AP3B1: variants seen among roughly 807,000 people sequenced by gnomAD.
The protein encoded by AP3B1 is AP-3 complex subunit beta-1.
Under a neutral mutation model 132.5 loss-of-function variants are expected in AP3B1, and 61 were observed. The observed-to-expected ratio is 0.46, with a 90% CI of 0.37 to 0.57. AP3B1 has a LOEUF of 0.57. AP3B1 is among the 20% of genes least tolerant of loss of function. AP3B1 has a pLI of 0.00. For missense variants in AP3B1, 1,120 were observed against 1,289.4 expected, an observed-to-expected ratio of 0.87 and a Z score of 2.01; for synonymous variants, 388 against 438.3, an observed-to-expected ratio of 0.89 and a Z score of 1.43.
intron 26 of AP3B1, among the ~76,000 whole-genome samples, chr5:78,006,794 C>T (rs558349394): frequency 1.3e-5 from 2 of 152,160 alleles, no homozygotes; most frequent in African/African-American, 2.4e-5. Context: ...TAATCACCAA[C>T]TGAGAAGGTA....
intron 2 of AP3B1, among the ~76,000 whole-genome samples, chr5:78,250,295 CA>C (rs1747576717): frequency 6.6e-6 from 1 of 151,686 alleles, no homozygotes; most frequent in African/African-American, 2.4e-5. Context: ...TACTTAAACC[CA>C]AAAAAGAAAA....
chr5:78,261,756 GGTT>G (rs35688641), intron 2 of AP3B1, among the ~76,000 whole-genome samples: 1 of 147,314 alleles, frequency 6.8e-6, no homozygotes, highest in Admixed American at 6.8e-5. Context: ...ATGAGCCACC[GGTT>G]GTTGTTTTTT....
chr5:78,127,947 C>A, intron 17 of AP3B1, 83 bp downstream of exon 17: 1 of 1,531,184 alleles, frequency 6.5e-7, no homozygotes, highest in Non-Finnish European at 9.0e-7. Flanking sequence ...TTCAACTCTC[C>A]AAAAAAGCTT....
chr5:78,206,042 C>G (rs1745491301), intron 7 of AP3B1, among the ~76,000 whole-genome samples: 2 of 151,764 alleles, frequency 1.3e-5, no homozygotes, highest in Non-Finnish European at 2.9e-5. Flanking sequence ...TCACAAAGGT[C>G]AGTATGAGCT....
intron 7 of AP3B1, among the ~76,000 whole-genome samples, chr5:78,186,301 A>G (rs1040398134): frequency 3.0e-4 from 46 of 152,218 alleles, no homozygotes; most frequent in Non-Finnish European, 4.9e-4. Context: ...AGAGAAGGAC[A>G]TTATAGAATG....
intron 12 of AP3B1, among the ~76,000 whole-genome samples, chr5:78,164,629 A>G (rs972250333): frequency 1.3e-5 from 2 of 152,176 alleles, no homozygotes; most frequent in East Asian, 3.8e-4. Flanking sequence ...GAATAATAAC[A>G]TAAAATAGTA....
chr5:78,251,815 G>A (rs2112537253), intron 2 of AP3B1, among the ~76,000 whole-genome samples: 1 of 152,348 alleles, frequency 6.6e-6, no homozygotes, highest in East Asian at 1.9e-4. Context: ...TAGAGACAAT[G>A]GAGGGAGCAC....
At chr5:78,080,049 C>T (rs1009917808) in intron 22 of AP3B1, among the ~76,000 whole-genome samples, 2 of 152,172 alleles carry the variant, frequency 1.3e-5, no homozygotes, top group African/African-American at 4.8e-5. Context: ...CACTCTGTCA[C>T]CCAGGCTGGA....
intron 20 of AP3B1, among the ~76,000 whole-genome samples, chr5:78,106,104 T>C (rs1751321527): frequency 6.6e-6 from 1 of 152,102 alleles, no homozygotes; most frequent in African/African-American, 2.4e-5. Context: ...AACAAAGGCA[T>C]AGAAATAGGA....
intron 22 of AP3B1, among the ~76,000 whole-genome samples, chr5:78,075,372 GT>G (rs1749724576): frequency 1.3e-5 from 2 of 152,042 alleles, no homozygotes; most frequent in Admixed American, 6.5e-5. Flanking sequence ...ATTATGGTTT[GT>G]TTTTTTCTTA....
intron 9 of AP3B1, among the ~76,000 whole-genome samples, chr5:78,177,044 C>T (rs1380061390): frequency 6.6e-6 from 1 of 152,116 alleles, no homozygotes; most frequent in Non-Finnish European, 1.5e-5. Flanking sequence ...ATCATTATTG[C>T]CATACCTAAA....
At chr5:78,055,760 T>C (rs1029533654) in intron 22 of AP3B1, among the ~76,000 whole-genome samples, 30 of 152,002 alleles carry the variant, frequency 2.0e-4, no homozygotes, top group African/African-American at 6.1e-4. Context: ...CATGGAAACT[T>C]TTTTGAATGT....
intron 7 of AP3B1, among the ~76,000 whole-genome samples, chr5:78,196,872 G>C (rs1745095546): frequency 6.6e-6 from 1 of 152,158 alleles, no homozygotes; most frequent in Non-Finnish European, 1.5e-5. Flanking sequence ...GGTGGGGAGG[G>C]AGGGATGAAC....
In AP3B1 at chr5:78,223,027, C is replaced by T. The variant is rs199921749; in HGVS notation, c.603+2515G>A. ...TGTTTTTTTGTTTGTTTGTTTGTTTCTTTTTTTTTTTTTGTAGAGACAAGG... is the reference window on the plus strand; with the variant it reads ...TGTTTTTTTGTTTGTTTGTTTGTTTTTTTTTTTTTTTTTGTAGAGACAAGG... On this transcript the variant is annotated intron_variant, in intron 6 of 26. Transcript: ENST00000255194. Among the ~76,000 whole-genome samples, 189 of 127,770 alleles carry T rather than the reference C, an allele frequency of 1.5e-3. 1 individual carries two copies. Among genetic ancestry groups the T allele is most frequent in the African/African-American group, 4.9e-3 (168 of 34,532 alleles). 83.8% of individuals were successfully genotyped at this position (127,770 alleles called of 152,430 possible).
At chr5:78,261,918 AT>A (rs1390357271) in intron 2 of AP3B1, among the ~76,000 whole-genome samples, 1 of 151,582 alleles carries the variant, frequency 6.6e-6, no homozygotes, top group Non-Finnish European at 1.5e-5. Flanking sequence ...CACCTGGCTA[AT>A]TTTTGTATTT....
At chr5:78,236,297 C>A (rs890391833) in intron 3 of AP3B1, among the ~76,000 whole-genome samples, 2 of 152,082 alleles carry the variant, frequency 1.3e-5, no homozygotes, top group African/African-American at 2.4e-5. Flanking sequence ...AGGGAACTAG[C>A]TACTTTACCA....
At chr5:78,167,396 T>C (rs187909563) in intron 11 of AP3B1, among the ~76,000 whole-genome samples, 5 of 152,202 alleles carry the variant, frequency 3.3e-5, no homozygotes, top group African/African-American at 4.8e-5. Context: ...GGTGGGAACG[T>C]AAACTAGTAC....
intron 14 of AP3B1, among the ~76,000 whole-genome samples, chr5:78,142,952 T>A (rs965757191): frequency 4.6e-5 from 7 of 152,144 alleles, no homozygotes; most frequent in Non-Finnish European, 8.8e-5. Context: ...TTATTTTAAA[T>A]TGGGCTAAAG....
At chr5:78,267,445 T>TTATA in intron 2 of AP3B1, 75 bp downstream of exon 2, 1 of 577,594 alleles carries the variant, frequency 1.7e-6, no homozygotes, top group Non-Finnish European at 2.7e-6. Context: ...TAACGTATTT[T>TTATA]TATATATATA....
Sources: allele counts gnomAD v4.1 joint callset (sites outside exome capture counted in the v4.1 genomes callset), GRCh38; gene constraint gnomAD v4.1.1; transcripts MANE v1.5; gene names NCBI Gene and HGNC (gene_info 2026-07-23, HGNC 2026-07-21).